The following SRPK2 variants were observed in gnomAD, a reference collection of about 807,000 sequenced individuals.
SRPK2 encodes the protein SRSF protein kinase 2.
Under a neutral mutation model 90.8 loss-of-function variants are expected in SRPK2, and 21 were observed. The observed-to-expected ratio is 0.23, with a 90% CI of 0.16 to 0.33. The LOEUF (loss-of-function observed/expected upper bound fraction) is 0.33, where lower values mean the gene tolerates loss of function less well. SRPK2 is among the 10% of genes least tolerant of loss of function. The pLI is 1.00. For synonymous variants in SRPK2, 288 were observed against 311.1 expected (o/e 0.93, Z 0.78); for missense variants, 620 against 869.0 (o/e 0.71, Z 3.60).
At chr7:105,128,521 G>A (rs144866834) in intron 13 of SRPK2, among the ~76,000 whole-genome samples, 1 of 152,120 alleles carries the variant, frequency 6.6e-6, no homozygotes, top group Admixed American at 6.5e-5. Context: ...ACACTCAATG[G>A]CCAGGAGAGT....
chr7:105,269,002 C>G, intron 2 of SRPK2: 1 of 1,377,760 alleles, frequency 7.3e-7, no homozygotes, highest in Non-Finnish European at 9.5e-7. Context: ...TCTGTTAGGA[C>G]TGGGATTCAA....
At chr7:105,205,460 T>C (rs957532216) in intron 2 of SRPK2, among the ~76,000 whole-genome samples, 2 of 149,658 alleles carry the variant, frequency 1.3e-5, no homozygotes, top group African/African-American at 4.9e-5. Context: ...AAGTTAACCA[T>C]TCTCTTCACA....
intron 7 of SRPK2, among the ~76,000 whole-genome samples, chr7:105,149,688 G>A (rs1805332193): frequency 6.6e-6 from 1 of 152,078 alleles, no homozygotes; most frequent in African/African-American, 2.4e-5. Context: ...AATATTCCCA[G>A]TTTAATCGAC....
intron 3 of SRPK2, among the ~76,000 whole-genome samples, chr7:105,185,061 T>A (rs1184915612): frequency 6.6e-6 from 1 of 152,140 alleles, no homozygotes; most frequent in African/African-American, 2.4e-5. Flanking sequence ...ATTGTTTGTA[T>A]CTGTTCAAAA....
At chr7:105,300,314 T>C (rs181672480) in intron 2 of SRPK2, among the ~76,000 whole-genome samples, 19 of 144,288 alleles carry the variant, frequency 1.3e-4, no homozygotes, top group Admixed American at 4.1e-4. Flanking sequence ...TATGTGCACA[T>C]AGAAAACTTG....
chr7:105,258,072 C>T (rs187834028), intron 2 of SRPK2, among the ~76,000 whole-genome samples: 1 of 151,516 alleles, frequency 6.6e-6, no homozygotes, highest in Admixed American at 6.6e-5. Context: ...CCACTGCACT[C>T]CATCCTGGGT....
rs200599137 is a variant in SRPK2 at position 105,137,954 on chromosome 7, GC to G, written c.1543+4053del. On this transcript the variant is annotated intron_variant, in intron 11 of 15. Coordinates refer to ENST00000393651, the MANE Select transcript of SRPK2 (RefSeq NM_182692.3). ...ACCTCCCATGGGGGAGGCTGCTCTT[GC>G]TTATCAAATGGCCAAGCTGCGGGCG... Among the ~76,000 whole-genome samples the G allele has an allele frequency of 2.4e-3, 366 of 152,270 alleles. 1 individual carries two copies. The highest frequency in any genetic ancestry group is 8.5e-3 in the African/African-American group (353 of 41,554).
At chr7:105,338,395 C>T (rs1357716449) in intron 2 of SRPK2, among the ~76,000 whole-genome samples, 1 of 152,192 alleles carries the variant, frequency 6.6e-6, no homozygotes, top group Admixed American at 6.6e-5. Context: ...GCCACCAGCA[C>T]CACCACGGCT....
intron 2 of SRPK2, among the ~76,000 whole-genome samples, chr7:105,211,257 T>TA (rs1486622239): frequency 1.3e-5 from 2 of 152,004 alleles, no homozygotes; most frequent in African/African-American, 4.8e-5. Flanking sequence ...TTTTTTTTTT[T>TA]AAATAATTGA....
chr7:105,269,139 T>C, intron 2 of SRPK2: 2 of 1,023,338 alleles, frequency 2.0e-6, no homozygotes, highest in Non-Finnish European at 1.2e-6. Flanking sequence ...AAGGTAGAAC[T>C]AGCATGGTTC....
chr7:105,346,850 C>T (rs1331173795), intron 2 of SRPK2, among the ~76,000 whole-genome samples: 1 of 112,448 alleles, frequency 8.9e-6, no homozygotes, highest in Admixed American at 1.1e-4. Flanking sequence ...TGCTGCTTCT[C>T]ATTTGTTAAA....
intron 2 of SRPK2, among the ~76,000 whole-genome samples, chr7:105,368,336 G>A (rs973182066): frequency 8.5e-5 from 13 of 152,094 alleles, no homozygotes; most frequent in African/African-American, 2.9e-4. Context: ...AGGTCCATGT[G>A]ACCTGTTAAG....
At chr7:105,368,200 T>C (rs941901163) in intron 2 of SRPK2, among the ~76,000 whole-genome samples, 1 of 152,182 alleles carries the variant, frequency 6.6e-6, no homozygotes, top group African/African-American at 2.4e-5. Flanking sequence ...AAAAAAAGTT[T>C]TTAAAGCTAA....
chr7:105,343,312 T>TATA (rs1212028341), intron 2 of SRPK2, among the ~76,000 whole-genome samples: 2 of 152,146 alleles, frequency 1.3e-5, no homozygotes, highest in African/African-American at 4.8e-5. Context: ...CACGTGCCTG[T>TATA]AGTCCCAGCT....
At chr7:105,313,607 C>T (rs974220257) in intron 2 of SRPK2, among the ~76,000 whole-genome samples, 6 of 151,876 alleles carry the variant, frequency 4.0e-5, no homozygotes, top group African/African-American at 1.4e-4. Context: ...AAAAATTAGC[C>T]AGGTGTGGCG....
chr7:105,210,121 G>GT (rs1796678980), intron 2 of SRPK2, among the ~76,000 whole-genome samples: 3 of 152,098 alleles, frequency 2.0e-5, no homozygotes, highest in Admixed American at 2.0e-4. Flanking sequence ...CTGCTACTGC[G>GT]TATTTCTTTT....
chr7:105,178,192 C>T (rs1056027507), intron 3 of SRPK2, among the ~76,000 whole-genome samples: 1 of 152,154 alleles, frequency 6.6e-6, no homozygotes, highest in African/African-American at 2.4e-5. Context: ...ATTTAAATTA[C>T]ATTCACCACA....
rs1382098069 is a variant in SRPK2 at position 105,327,602 on chromosome 7, G to C, written c.71+61046C>G. Among the ~76,000 whole-genome samples the C allele has an allele frequency of 2.6e-5, 4 of 152,146 alleles. No individual in the cohort carries two copies. In the East Asian group the frequency reaches 7.7e-4, roughly 29 times the overall value. ...GAGATGAATTAATTGTTACACATCT[G>C]ACTCCACAGCCAGATAACAAGATAA... is the stretch of plus-strand genomic sequence containing the variant. On this transcript the variant is annotated intron_variant, in intron 2 of 15. Coordinates refer to ENST00000393651, the MANE Select transcript of SRPK2 (RefSeq NM_182692.3).
intron 2 of SRPK2, among the ~76,000 whole-genome samples, chr7:105,371,178 TGG>T (rs1819645770): frequency 7.1e-6 from 1 of 140,640 alleles, no homozygotes; most frequent in Non-Finnish European, 1.6e-5. Flanking sequence ...CCAAGGTGAA[TGG>T]ATCACTTGAG....
Sources: allele counts gnomAD v4.1 joint callset (sites outside exome capture counted in the v4.1 genomes callset), GRCh38; gene constraint gnomAD v4.1.1; transcripts MANE v1.5; gene names NCBI Gene and HGNC (gene_info 2026-07-23, HGNC 2026-07-21).